Variants in NCEH1 observed in about 807,000 individuals in gnomAD.
NCEH1 encodes the protein neutral cholesterol ester hydrolase 1.
A neutral mutation model predicts 25.4 loss-of-function variants in NCEH1; 9 were observed. The observed-to-expected ratio is 0.35, with a 90% confidence interval of 0.21 to 0.62. The LOEUF (loss-of-function observed/expected upper bound fraction) is 0.62, where lower values mean the gene tolerates loss of function less well. Among genes scored for constraint, NCEH1 ranks in the 20% least tolerant of loss-of-function variants. The pLI is 0.72. For missense variants in NCEH1, 412 were observed against 501.1 expected (o/e 0.82, Z 1.70); for synonymous variants, 200 against 199.8 (o/e 1.00, Z -0.01).
Position 172,703,118 on chromosome 3 carries a change from T to C in NCEH1, c.138+7729A>G, listed in dbSNP as rs1379234077. 3 of 152,194 alleles carry C rather than the reference T, an allele frequency of 2.0e-5. No individual in the cohort carries two copies. In the East Asian group the frequency reaches 5.8e-4, roughly 29 times the overall value. The allele number at this position is 152,194 out of a possible 1,614,324, so 9.4% of individuals were successfully genotyped here. On this transcript the variant is annotated intron_variant, in intron 1 of 4. Transcript: ENST00000475381. ...AATTTCATTTGGCAGCAAAAGTAAATATATGGTGCTCACTTCAGCAGCACA... is the reference window on the plus strand; with the variant it reads ...AATTTCATTTGGCAGCAAAAGTAAACATATGGTGCTCACTTCAGCAGCACA...
At chr3:172,691,960 AAAAAAAAAG>A (rs1350756721) in intron 1 of NCEH1, among the ~76,000 whole-genome samples, 24 of 27,032 alleles carry the variant, frequency 8.9e-4, no homozygotes, top group Admixed American at 3.2e-3. Context: ...AAAAAAAAAA[AAAAAAAAAG>A]AAAGAAAGAA....
intron 1 of NCEH1, among the ~76,000 whole-genome samples, chr3:172,675,134 A>AC (rs1711893622): frequency 6.6e-6 from 1 of 152,068 alleles, no homozygotes; most frequent in African/African-American, 2.4e-5. Flanking sequence ...ACATGGTGAA[A>AC]CCCCAGCTCT....
At chr3:172,653,754 T>TTTTTG (rs1717546815) in intron 1 of NCEH1, among the ~76,000 whole-genome samples, 3 of 55,450 alleles carry the variant, frequency 5.4e-5, no homozygotes, top group African/African-American at 2.1e-4. Context: ...GTTTTTTTGT[T>TTTTTG]TTTTTGTTTT....
chr3:172,699,056 G>C (rs1343420448), intron 1 of NCEH1, among the ~76,000 whole-genome samples: 3 of 152,112 alleles, frequency 2.0e-5, no homozygotes, highest in Non-Finnish European at 4.4e-5. Context: ...AGCAACATAA[G>C]CAACATCTAA....
At position 172,632,101 on chromosome 3, in the gene NCEH1, G is replaced by A. The variant is rs1187837765; in HGVS notation, c.*1374C>T. On this transcript the variant is annotated 3_prime_UTR_variant, in exon 5 of 5. Transcript: ENST00000475381. ...CCCTTCACTCAGAACATGAGCTTGT[G>A]TTCCTCTGACCCTAAAAAGCGGAGA... 6.6e-6 allele frequency: 1 copy of A among 152,526 alleles called. No individual in the cohort carries two copies. Among genetic ancestry groups the A allele is most frequent in the Admixed American group, 6.5e-5 (1 of 15,282 alleles). 9.4% of individuals were successfully genotyped at this position (152,526 alleles called of 1,614,324 possible). A position where few individuals can be genotyped will look rare whatever the true frequency, so the allele number is the denominator to read the frequency against.
intron 1 of NCEH1, among the ~76,000 whole-genome samples, chr3:172,684,081 T>A (rs1430140480): frequency 6.6e-6 from 1 of 152,224 alleles, no homozygotes; most frequent in Non-Finnish European, 1.5e-5. Context: ...ACTATTTACA[T>A]GGTCAATTGT....
intron 1 of NCEH1, among the ~76,000 whole-genome samples, chr3:172,708,425 G>A (rs967990982): frequency 5.9e-5 from 9 of 152,136 alleles, no homozygotes; most frequent in South Asian, 2.1e-4. Context: ...GCACAATCTC[G>A]ACTCAACGCA....
chr3:172,660,458 T>C (rs1483016625), intron 1 of NCEH1, among the ~76,000 whole-genome samples: 2 of 152,126 alleles, frequency 1.3e-5, no homozygotes, highest in African/African-American at 4.8e-5. Flanking sequence ...GTCTTTATAG[T>C]AGCATGATTT....
chr3:172,694,061 C>A (rs1713223530), intron 1 of NCEH1, among the ~76,000 whole-genome samples: 1 of 152,016 alleles, frequency 6.6e-6, no homozygotes, highest in African/African-American at 2.4e-5. Flanking sequence ...ACCCAGCCAA[C>A]TTTTTAAATT....
intron 1 of NCEH1, among the ~76,000 whole-genome samples, chr3:172,684,797 A>G (rs918211453): frequency 1.1e-4 from 16 of 152,014 alleles, no homozygotes; most frequent in African/African-American, 3.6e-4. Context: ...CCTGGCCAAC[A>G]TGGTGAAACC....
At chr3:172,673,869 A>T (rs369662299) in intron 1 of NCEH1, among the ~76,000 whole-genome samples, 12 of 152,242 alleles carry the variant, frequency 7.9e-5, no homozygotes, top group East Asian at 3.8e-4. Context: ...GGACGGCGAC[A>T]GTCAGGATGG....
chr3:172,649,158 G>A (rs544277858), intron 1 of NCEH1, among the ~76,000 whole-genome samples: 3 of 152,122 alleles, frequency 2.0e-5, no homozygotes, highest in Non-Finnish European at 4.4e-5. Context: ...CTCAGCCTCT[G>A]GGCAAATTCC....
chr3:172,649,199 C>T (rs1717275359), intron 1 of NCEH1, among the ~76,000 whole-genome samples: 1 of 151,976 alleles, frequency 6.6e-6, no homozygotes, highest in Non-Finnish European at 1.5e-5. Context: ...CCCATATAAA[C>T]ATTATAACTG....
intron 1 of NCEH1, among the ~76,000 whole-genome samples, chr3:172,690,566 T>G (rs1460975196): frequency 6.6e-6 from 1 of 152,234 alleles, no homozygotes; most frequent in Non-Finnish European, 1.5e-5. Flanking sequence ...AGTTCTACTT[T>G]TTAGGAATCT....
At chr3:172,703,730 T>C (rs1051849521) in intron 1 of NCEH1, among the ~76,000 whole-genome samples, 1 of 152,108 alleles carries the variant, frequency 6.6e-6, no homozygotes, top group Non-Finnish European at 1.5e-5. Flanking sequence ...AGGGTTATAT[T>C]TGTAGAAGTA....
chr3:172,636,464 C>T (rs186222481), intron 3 of NCEH1, among the ~76,000 whole-genome samples: 208 of 152,216 alleles, frequency 1.4e-3, no homozygotes, highest in Non-Finnish European at 2.2e-3. Flanking sequence ...GTCAGCATTC[C>T]ATTCATAATG....
intron 1 of NCEH1, among the ~76,000 whole-genome samples, chr3:172,706,427 ATTT>A (rs924047098): frequency 4.6e-5 from 7 of 150,972 alleles, no homozygotes; most frequent in African/African-American, 1.7e-4. Flanking sequence ...TACAACCTAA[ATTT>A]TTTTAACTGC....
At chr3:172,650,805 C>A (rs34587226) in intron 1 of NCEH1, among the ~76,000 whole-genome samples, 1 of 103,966 alleles carries the variant, frequency 9.6e-6, no homozygotes. Flanking sequence ...GAGCGAGACT[C>A]TGCCTCGAAA....
At chr3:172,667,766 G>C (rs1015498771) in intron 1 of NCEH1, among the ~76,000 whole-genome samples, 2 of 152,136 alleles carry the variant, frequency 1.3e-5, no homozygotes, top group African/African-American at 4.8e-5. Context: ...TACAGCACTG[G>C]AACACTTCCT....
Sources: allele counts gnomAD v4.1 joint callset (sites outside exome capture counted in the v4.1 genomes callset), GRCh38; gene constraint gnomAD v4.1.1; transcripts MANE v1.5; gene names NCBI Gene and HGNC (gene_info 2026-07-23, HGNC 2026-07-21).